The following TYW1 variants were observed in gnomAD, a reference collection of about 807,000 sequenced individuals.
TYW1 encodes tRNA-yW synthesizing protein 1 homolog.
Under a neutral mutation model 96.2 loss-of-function variants are expected in TYW1, and 46 were observed. The ratio of observed to expected loss-of-function variants is 0.48; its 90% confidence interval spans 0.38 to 0.61. The LOEUF is 0.61. Among genes scored for constraint, TYW1 ranks in the 20% least tolerant of loss-of-function variants. TYW1 has a pLI of 0.00. For synonymous variants in TYW1, 274 were observed against 323.0 expected (o/e 0.85, Z 1.63); for missense variants, 684 against 909.6 (o/e 0.75, Z 3.19).
chr7:67,119,565 A>C (rs1584585449), intron 13 of TYW1, among the ~76,000 whole-genome samples: 1 of 152,144 alleles, frequency 6.6e-6, no homozygotes, highest in East Asian at 1.9e-4. Flanking sequence ...GACTTGTAGA[A>C]ATTCTGTGCA....
intron 15 of TYW1, among the ~76,000 whole-genome samples, chr7:67,196,340 G>GT (rs1800391936): frequency 6.6e-6 from 1 of 152,070 alleles, no homozygotes; most frequent in Non-Finnish European, 1.5e-5. Flanking sequence ...GAAGTGAGTT[G>GT]TTTTATGGTT....
Position 67,014,357 on chromosome 7 carries a change from T to C in TYW1, c.376-10T>C. The C allele has an allele frequency of 6.3e-7, 1 of 1,582,496 alleles. No individual in the cohort carries two copies. Among genetic ancestry groups the C allele is most frequent in the East Asian group, 2.3e-5 (1 of 44,442 alleles). On this transcript the variant is annotated splice_polypyrimidine_tract_variant and intron_variant, in intron 4 of 15. Coordinates refer to ENST00000359626, the MANE Select transcript of TYW1 (RefSeq NM_018264.4). ...GTATGTTCCACTGAAACAATTACTTTCTTGGTTAGGTGACTAGTAAAAATG... is the reference window on the plus strand; with the variant it reads ...GTATGTTCCACTGAAACAATTACTTCCTTGGTTAGGTGACTAGTAAAAATG...
At chr7:67,059,005 C>G (rs959564393) in intron 9 of TYW1, among the ~76,000 whole-genome samples, 1 of 151,250 alleles carries the variant, frequency 6.6e-6, no homozygotes, top group African/African-American at 2.4e-5. Flanking sequence ...TGGGAATATG[C>G]AAGCCACAGT....
At chr7:67,209,258 C>T (rs1325082158) in intron 15 of TYW1, among the ~76,000 whole-genome samples, 8 of 152,170 alleles carry the variant, frequency 5.3e-5, no homozygotes, top group African/African-American at 1.9e-4. Flanking sequence ...CCACAGTTGC[C>T]TACAGGGGAG....
chr7:67,238,214 G>A, intron 15 of TYW1, 94 bp from the exon 16 acceptor site: 15 of 1,541,830 alleles, frequency 9.7e-6, no homozygotes, highest in Non-Finnish European at 1.3e-5. Flanking sequence ...GTGATAGGGA[G>A]AAAAGATCAG....
chr7:67,052,820 C>T (rs544334368), intron 8 of TYW1, among the ~76,000 whole-genome samples: 2 of 152,202 alleles, frequency 1.3e-5, no homozygotes, highest in South Asian at 2.1e-4. Flanking sequence ...CAACCTCTGC[C>T]TCCCGGGTTC....
chr7:67,186,977 CTA>C, intron 14 of TYW1, among the ~76,000 whole-genome samples: 1 of 150,364 alleles, frequency 6.7e-6, no homozygotes, highest in South Asian at 2.1e-4. Context: ...AAGCAAAAAT[CTA>C]TAAAAGTAAA....
intron 10 of TYW1, among the ~76,000 whole-genome samples, chr7:67,067,968 GTC>G (rs1021547592): frequency 6.6e-6 from 1 of 151,346 alleles, no homozygotes; most frequent in African/African-American, 2.4e-5. Context: ...GCACAATTCT[GTC>G]TCTCTCTTTT....
At chr7:67,068,181 C>T (rs1229525595) in intron 10 of TYW1, among the ~76,000 whole-genome samples, 4 of 152,140 alleles carry the variant, frequency 2.6e-5, no homozygotes, top group African/African-American at 9.6e-5. Context: ...ACCACCATGC[C>T]CAGCTAATTT....
intron 7 of TYW1, among the ~76,000 whole-genome samples, chr7:67,036,182 T>G (rs975415812): frequency 1.3e-5 from 2 of 149,910 alleles, no homozygotes; most frequent in Admixed American, 1.4e-4. Flanking sequence ...CTCCAGGGAA[T>G]AGACATTTGT....
chr7:67,074,927 G>C (rs1298044775), intron 10 of TYW1, among the ~76,000 whole-genome samples: 1 of 152,046 alleles, frequency 6.6e-6, no homozygotes, highest in Non-Finnish European at 1.5e-5. Flanking sequence ...CTGTCTCCTG[G>C]GTTCAAGCGA....
At chr7:67,149,416 A>G (rs1288644998) in intron 13 of TYW1, among the ~76,000 whole-genome samples, 2 of 152,208 alleles carry the variant, frequency 1.3e-5, no homozygotes, top group South Asian at 2.1e-4. Context: ...ATGTGGGTCC[A>G]TAAGAAACTC....
chr7:67,029,418 T>TACACATATATATATATAC (rs1359150738), intron 7 of TYW1, among the ~76,000 whole-genome samples: 11 of 131,388 alleles, frequency 8.4e-5, no homozygotes, highest in Admixed American at 3.1e-4. Context: ...TGTGTGTGTA[T>TACACATATATATATATAC]ATATATATAT....
In TYW1 at chr7:67,066,272, C is replaced by T. The variant is rs1795866790; in HGVS notation, c.1156-1013C>T. Among the ~76,000 whole-genome samples the T allele has an allele frequency of 2.0e-5, 3 of 152,112 alleles. No homozygotes were observed. The South Asian group carries it at 6.2e-4, about 31-fold the overall frequency. On this transcript the variant is annotated intron_variant, in intron 9 of 15. Transcript: ENST00000359626. ...CATCATTACCTGTCTCACATAACCT[C>T]CTCCCAGGCTTCACTGCTTTCACTT...
At chr7:67,008,469 G>A (rs753507782) in intron 3 of TYW1, among the ~76,000 whole-genome samples, 1 of 152,104 alleles carries the variant, frequency 6.6e-6, no homozygotes, top group Non-Finnish European at 1.5e-5. Flanking sequence ...AGCTATCTGA[G>A]GCCTCACTCC....
intron 11 of TYW1, among the ~76,000 whole-genome samples, chr7:67,096,018 A>G (rs1013205968): frequency 7.9e-5 from 12 of 152,232 alleles, no homozygotes; most frequent in Non-Finnish European, 1.6e-4. Context: ...AGGCCTTTAC[A>G]TGCATTATCT....
In TYW1 at chr7:67,187,052, ATTTTTT is replaced by A. The variant is rs750086247; in HGVS notation, c.1809+3840_1809+3845del. On this transcript the variant is annotated intron_variant, in intron 14 of 15. Coordinates refer to ENST00000359626, the MANE Select transcript of TYW1 (RefSeq NM_018264.4). Reference sequence around the variant, plus strand: ...TGGAGAAATGTATAACCACAATTAAATTTTTTTTTTTTTTTTTTTTTTTTTTTTTGA... The same window carrying A: ...TGGAGAAATGTATAACCACAATTAAATTTTTTTTTTTTTTTTTTTTTTTGA... Among the ~76,000 whole-genome samples, 114 of 100,914 alleles carry A rather than the reference ATTTTTT, an allele frequency of 1.1e-3. 1 individual carries two copies. The highest frequency in any genetic ancestry group is 5.2e-3 in the East Asian group (17 of 3,256). 66.2% of individuals were successfully genotyped at this position (100,914 alleles called of 152,430 possible).
At chr7:67,113,895 T>C (rs2115954291) in intron 12 of TYW1, among the ~76,000 whole-genome samples, 1 of 152,290 alleles carries the variant, frequency 6.6e-6, no homozygotes, top group African/African-American at 2.4e-5. Context: ...TGTCTCAGCC[T>C]CCCAAAGTGT....
At chr7:66,997,136 A>T in intron 1 of TYW1, among the ~76,000 whole-genome samples, 154 bp downstream of exon 1, 1 of 152,222 alleles carries the variant, frequency 6.6e-6, no homozygotes, top group East Asian at 1.9e-4. Flanking sequence ...AGCAAGGAGG[A>T]CTGATCCCTA....
Sources: allele counts gnomAD v4.1 joint callset (sites outside exome capture counted in the v4.1 genomes callset), GRCh38; gene constraint gnomAD v4.1.1; transcripts MANE v1.5; gene names NCBI Gene and HGNC (gene_info 2026-07-23, HGNC 2026-07-21).